Variants in BNC2 observed in about 807,000 individuals in gnomAD.
The protein encoded by BNC2 is zinc finger protein basonuclin-2.
In BNC2, 20 loss-of-function variants were observed where a neutral mutation model predicts 76.3. The observed-to-expected ratio is 0.26, with a 90% confidence interval of 0.18 to 0.38. BNC2 has a LOEUF of 0.38. Among genes scored for constraint, BNC2 ranks in the 10% least tolerant of loss-of-function variants. The pLI is 1.00. For missense variants in BNC2, 1,382 were observed against 1,399.8 expected (o/e 0.99, Z 0.20); for synonymous variants, 582 against 514.8 (o/e 1.13, Z -1.77).
intron 1 of BNC2, among the ~76,000 whole-genome samples, chr9:16,837,071 G>C (rs768935211): frequency 3.3e-5 from 5 of 152,144 alleles, no homozygotes; most frequent in Non-Finnish European, 7.3e-5. Context: ...TAAGTTCTAA[G>C]AGTCAAATTT....
intron 2 of BNC2, among the ~76,000 whole-genome samples, chr9:16,735,363 A>G (rs1290035874): frequency 4.0e-5 from 6 of 150,834 alleles, no homozygotes; most frequent in African/African-American, 1.5e-4. Context: ...ATCTAGAAGG[A>G]AAGAACCAGT....
intron 5 of BNC2, among the ~76,000 whole-genome samples, chr9:16,482,286 A>G (rs1438946891): frequency 6.6e-6 from 1 of 152,188 alleles, no homozygotes; most frequent in African/African-American, 2.4e-5. Flanking sequence ...AAATGACTAA[A>G]TAGTACTACA....
intron 1 of BNC2, among the ~76,000 whole-genome samples, chr9:16,818,276 C>T (rs1244758527): frequency 3.3e-5 from 5 of 152,108 alleles, no homozygotes; most frequent in Admixed American, 2.0e-4. Flanking sequence ...AGTTGGCGGG[C>T]GCCTGTAGTC....
chr9:16,490,490 C>T (rs1190486698), intron 5 of BNC2, among the ~76,000 whole-genome samples: 1 of 152,156 alleles, frequency 6.6e-6, no homozygotes, highest in Non-Finnish European at 1.5e-5. Context: ...CACTCACCTT[C>T]CTCCAAACTT....
chr9:16,842,447 A>G (rs966304784), intron 1 of BNC2, among the ~76,000 whole-genome samples: 1 of 152,160 alleles, frequency 6.6e-6, no homozygotes, highest in Non-Finnish European at 1.5e-5. Flanking sequence ...TATAGAAAAC[A>G]GTGGGTCAAA....
chr9:16,674,940 A>C (rs752403033), intron 3 of BNC2, among the ~76,000 whole-genome samples: 1 of 152,212 alleles, frequency 6.6e-6, no homozygotes, highest in African/African-American at 2.4e-5. Flanking sequence ...TCCGATTCTT[A>C]AAGTTTAAGA....
At chr9:16,722,336 G>A (rs1032127241) in intron 3 of BNC2, among the ~76,000 whole-genome samples, 5 of 152,200 alleles carry the variant, frequency 3.3e-5, no homozygotes, top group African/African-American at 1.2e-4. Context: ...TCTTAACCCT[G>A]ACATGGGAGT....
At position 16,546,965 on chromosome 9, in the gene BNC2, T is replaced by A. The variant is rs371662631; in HGVS notation, c.669+5565A>T. Among the ~76,000 whole-genome samples the A allele has an allele frequency of 5.3e-5, 8 of 152,350 alleles. No individual in the cohort carries two copies. The East Asian group carries it at 1.5e-3, about 29-fold the overall frequency. On this transcript the variant is annotated intron_variant, in intron 5 of 6. Transcript: ENST00000380672. ...TATGTATAAGCCTGGGTGCTGGTGC[T>A]GGGAAGCGAGTTACAGTGATGAATA...
intron 6 of BNC2, chr9:16,435,123 A>C: frequency 2.1e-6 from 1 of 470,790 alleles, no homozygotes; most frequent in South Asian, 1.6e-5. Flanking sequence ...ATATGTGTGT[A>C]TGAAGATAAT....
chr9:16,452,153 C>A (rs1821353619), intron 5 of BNC2, among the ~76,000 whole-genome samples: 1 of 152,166 alleles, frequency 6.6e-6, no homozygotes, highest in African/African-American at 2.4e-5. Context: ...ACAGTTTTTG[C>A]AAAATGCATA....
chr9:16,445,671 T>A (rs1266937609), intron 5 of BNC2, among the ~76,000 whole-genome samples: 2 of 151,990 alleles, frequency 1.3e-5, no homozygotes, highest in African/African-American at 4.8e-5. Context: ...TGAGTGAGAG[T>A]CTTCAGGGTG....
chr9:16,736,752 G>T (rs1040010753), intron 2 of BNC2, among the ~76,000 whole-genome samples: 6 of 150,964 alleles, frequency 4.0e-5, no homozygotes, highest in Non-Finnish European at 5.9e-5. Flanking sequence ...GGGATTACAG[G>T]TATGAGCCAC....
rs75771141 is a variant in BNC2, at chr9:16,447,061, C to T, written c.670-9537G>A. Among the ~76,000 whole-genome samples, 11 of 152,226 alleles carry T rather than the reference C, an allele frequency of 7.2e-5. No individual in the cohort carries two copies. In the East Asian group the frequency reaches 2.1e-3, roughly 29 times the overall value. On this transcript the variant is annotated intron_variant, in intron 5 of 6. Coordinates refer to ENST00000380672, the MANE Select transcript of BNC2 (RefSeq NM_017637.6). ...AAGTATTTTTCAAGTTACCTCGCTGCATTGTAAATCAAACCTGAGAAACTT... is the reference window on the plus strand; with the variant it reads ...AAGTATTTTTCAAGTTACCTCGCTGTATTGTAAATCAAACCTGAGAAACTT...
chr9:16,668,921 G>A (rs1822386392), intron 3 of BNC2, among the ~76,000 whole-genome samples: 1 of 152,156 alleles, frequency 6.6e-6, no homozygotes, highest in Non-Finnish European at 1.5e-5. Flanking sequence ...AGATGCAAAG[G>A]AGATGACAAT....
In BNC2 at chr9:16,678,888, T is replaced by C. The variant is rs538072425; in HGVS notation, c.330+48909A>G. Among the ~76,000 whole-genome samples the C allele has an allele frequency of 6.6e-4, 100 of 152,280 alleles. 1 individual carries two copies. The South Asian group carries it at 0.012, about 18-fold the overall frequency. ...TAGTGCCTGAAAATTACAATCGAAA[T>C]CAGTGTTCACTGATTGTGCAAAGCC... On this transcript the variant is annotated intron_variant, in intron 3 of 6. Coordinates refer to ENST00000380672, the MANE Select transcript of BNC2 (RefSeq NM_017637.6).
chr9:16,616,632 G>A (rs1327096976), intron 3 of BNC2, among the ~76,000 whole-genome samples: 1 of 150,968 alleles, frequency 6.6e-6, no homozygotes, highest in Non-Finnish European at 1.5e-5. Flanking sequence ...AAGGCTACAG[G>A]GAGCTGAGAT....
chr9:16,734,270 G>A (rs1034772043), intron 2 of BNC2, among the ~76,000 whole-genome samples: 18 of 152,268 alleles, frequency 1.2e-4, no homozygotes, highest in Admixed American at 8.5e-4. Flanking sequence ...GCTTCTGTAC[G>A]TCTTCCTCTT....
At chr9:16,843,306 G>A (rs1354277946) in intron 1 of BNC2, among the ~76,000 whole-genome samples, 3 of 152,150 alleles carry the variant, frequency 2.0e-5, no homozygotes, top group Admixed American at 6.5e-5. Context: ...ATTTATGGTC[G>A]TTCGAAAGGT....
intron 3 of BNC2, among the ~76,000 whole-genome samples, chr9:16,720,313 G>C (rs1248716223): frequency 6.6e-6 from 1 of 152,216 alleles, no homozygotes; most frequent in African/African-American, 2.4e-5. Flanking sequence ...TGAAAGTAAG[G>C]AGGAATTCAG....
Sources: gnomAD v4.1 joint callset for allele counts (sites outside exome capture counted in the v4.1 genomes callset) on GRCh38, gnomAD v4.1.1 for gene constraint, MANE v1.5 for transcripts, NCBI Gene and HGNC (gene_info 2026-07-23, HGNC 2026-07-21) for gene names.